TADA2A: variants seen among roughly 807,000 people sequenced by gnomAD.
TADA2A encodes the protein transcriptional adapter 2-alpha.
TADA2A carries 38 observed loss-of-function variants against 67.4 expected under a neutral mutation model. The observed-to-expected ratio is 0.56, with a 90% CI of 0.44 to 0.74. The LOEUF (loss-of-function observed/expected upper bound fraction) is 0.74, where lower values mean the gene tolerates loss of function less well. Ranked by LOEUF, TADA2A falls within the 30% of genes least tolerant of loss-of-function variation. The pLI is 0.00. For synonymous variants in TADA2A, 192 were observed against 181.6 expected (o/e 1.06, Z -0.46); for missense variants, 454 against 547.0 (o/e 0.83, Z 1.70).
At chr17:37,457,338 G>A (rs554173662) in intron 8 of TADA2A, among the ~76,000 whole-genome samples, 134 of 150,988 alleles carry the variant, frequency 8.9e-4, no homozygotes, top group African/African-American at 3.1e-3. Flanking sequence ...TTGCCACCAC[G>A]CCCAGCCAAT....
intron 6 of TADA2A, among the ~76,000 whole-genome samples, chr17:37,441,112 A>T (rs895984743): frequency 6.6e-6 from 1 of 151,818 alleles, no homozygotes; most frequent in African/African-American, 2.4e-5. Flanking sequence ...AAAAAAAAAA[A>T]AGAGTCAGGA....
intron 5 of TADA2A, among the ~76,000 whole-genome samples, chr17:37,438,495 A>T (rs2052800033): frequency 1.3e-5 from 2 of 152,136 alleles, no homozygotes; most frequent in Non-Finnish European, 1.5e-5. Flanking sequence ...ATTTCTTGTG[A>T]TTACATAGCT....
At chr17:37,410,520 A>C (rs558526951) in intron 1 of TADA2A, among the ~76,000 whole-genome samples, 1 of 151,916 alleles carries the variant, frequency 6.6e-6, no homozygotes, top group African/African-American at 2.4e-5. Context: ...TGTATGTTGT[A>C]ATAGATAGGA....
chr17:37,470,152 G>C (rs191870992), intron 12 of TADA2A, among the ~76,000 whole-genome samples: 43 of 152,130 alleles, frequency 2.8e-4, no homozygotes, highest in Admixed American at 1.6e-3. Context: ...TTTTCTGTTG[G>C]TTTTTTTCCC....
At chr17:37,439,942 A>ATTTTTT (rs754953268) in intron 5 of TADA2A, among the ~76,000 whole-genome samples, 1 of 58,428 alleles carries the variant, frequency 1.7e-5, no homozygotes, top group African/African-American at 4.5e-5. Flanking sequence ...TTATTTATTT[A>ATTTTTT]TTATTTTTTT....
chr17:37,464,129 T>TC (rs1306976951), intron 10 of TADA2A, among the ~76,000 whole-genome samples: 1 of 152,222 alleles, frequency 6.6e-6, no homozygotes, highest in Non-Finnish European at 1.5e-5. Flanking sequence ...AGTTTTACTC[T>TC]CCATCTTCTT....
chr17:37,434,404 G>A (rs1325188306), intron 4 of TADA2A, among the ~76,000 whole-genome samples: 1 of 152,174 alleles, frequency 6.6e-6, no homozygotes, highest in Non-Finnish European at 1.5e-5. Context: ...TCCTCTCTGG[G>A]TACACCGCCC....
At chr17:37,437,384 C>G (rs1046823127) in intron 4 of TADA2A, among the ~76,000 whole-genome samples, 1 of 151,220 alleles carries the variant, frequency 6.6e-6, no homozygotes, top group African/African-American at 2.4e-5. Context: ...AGCCACTGTG[C>G]CCGGCCTATT....
At chr17:37,439,943 T>TA (rs1028648910) in intron 5 of TADA2A, among the ~76,000 whole-genome samples, 6 of 41,662 alleles carry the variant, frequency 1.4e-4, no homozygotes, top group African/African-American at 7.8e-4. Flanking sequence ...TATTTATTTA[T>TA]TATTTTTTTT....
chr17:37,454,299 CTT>C (rs34841409), intron 8 of TADA2A: 134 of 107,274 alleles, frequency 1.2e-3, no homozygotes, highest in African/African-American at 1.9e-3. Context: ...TTCTTTCTTT[CTT>C]TTTTTTTTTT....
At chr17:37,460,496 C>T (rs2053522646) in intron 9 of TADA2A, among the ~76,000 whole-genome samples, 2 of 152,228 alleles carry the variant, frequency 1.3e-5, no homozygotes, top group South Asian at 4.1e-4. Flanking sequence ...CCGCCCACCT[C>T]AGCCTCCCAA....
At position 37,417,375 on chromosome 17, in the gene TADA2A, C is replaced by CA. The variant is rs1178983269; in HGVS notation, c.25+5997dup. Among the ~76,000 whole-genome samples the CA allele has an allele frequency of 2.0e-3, 263 of 129,374 alleles. 2 individuals are homozygous for CA. The highest frequency in any genetic ancestry group is 1.5e-3 in the Non-Finnish European group (92 of 60,166). The allele number at this position is 129,374 out of a possible 152,430, so 84.9% of individuals were successfully genotyped here. ...TGGGCAACAGAGCAAGACTCCGTCT[C>CA]AAAAAAAAAAAATTAGCTGGGCATG... On this transcript the variant is annotated intron_variant, in intron 2 of 15. Transcript: ENST00000615182.
intron 4 of TADA2A, among the ~76,000 whole-genome samples, chr17:37,433,833 A>G (rs747690019): frequency 1.3e-5 from 2 of 152,204 alleles, no homozygotes; most frequent in Non-Finnish European, 2.9e-5. Context: ...GTGTGCCTGT[A>G]ATTCCAGATG....
intron 7 of TADA2A, among the ~76,000 whole-genome samples, chr17:37,443,442 T>G (rs758357817): frequency 5.3e-5 from 8 of 151,972 alleles, no homozygotes; most frequent in Non-Finnish European, 1.0e-4. Flanking sequence ...TTAGTAGAGA[T>G]AGGGTTTCAC....
intron 3 of TADA2A, 164 bp from the exon 4 acceptor site, chr17:37,426,786 A>G (rs891356812): frequency 1.8e-5 from 10 of 544,644 alleles, no homozygotes; most frequent in Non-Finnish European, 3.2e-5. Context: ...TCAAGGCTGC[A>G]GTGAGCTATG....
In TADA2A at chr17:37,444,786, C is replaced by G. The variant is rs748003886; in HGVS notation, c.604+18C>G. 2.5e-6 allele frequency: 4 copies of G among 1,611,362 alleles called. No homozygotes were observed. The highest frequency in any genetic ancestry group is 1.7e-5 in the Admixed American group (1 of 59,952). Reference sequence around the variant, plus strand: ...TTTACATGGTAACAGTTTATTTTGTCAAATGTTTATCGAGCGCCAACTGTG... The same window carrying G: ...TTTACATGGTAACAGTTTATTTTGTGAAATGTTTATCGAGCGCCAACTGTG... On this transcript the variant is annotated intron_variant, in intron 8 of 15. Transcript: ENST00000615182.
chr17:37,417,651 C>T lies in TADA2A; in HGVS notation c.26-5858C>T, dbSNP rs918058064. ...CTAGGTTCAAGTGATTCTCATGCCA[C>T]AGCCTCCCGAGTAGCTAGGACTACA... On this transcript the variant is annotated intron_variant, in intron 2 of 15. Coordinates refer to ENST00000615182, the MANE Select transcript of TADA2A (RefSeq NM_001166105.3). Among the ~76,000 whole-genome samples the T allele has an allele frequency of 2.0e-5, 3 of 152,056 alleles. No individual in the cohort carries two copies. In the East Asian group the frequency reaches 5.9e-4, roughly 30 times the overall value.
chr17:37,420,878 C>A (rs1451030833), intron 2 of TADA2A, among the ~76,000 whole-genome samples: 1 of 146,738 alleles, frequency 6.8e-6, no homozygotes, highest in Non-Finnish European at 1.5e-5. Context: ...CTCTTAGATT[C>A]TTGTGATTGA....
intron 2 of TADA2A, among the ~76,000 whole-genome samples, chr17:37,417,476 C>T (rs2052087497): frequency 6.6e-6 from 1 of 152,040 alleles, no homozygotes; most frequent in African/African-American, 2.4e-5. Flanking sequence ...GGAGAGTTTG[C>T]AATCAGCCAA....
Sources: allele counts gnomAD v4.1 joint callset (sites outside exome capture counted in the v4.1 genomes callset), GRCh38; gene constraint gnomAD v4.1.1; transcripts MANE v1.5; gene names NCBI Gene and HGNC (gene_info 2026-07-23, HGNC 2026-07-21).